KCNN3: variants seen among roughly 807,000 people sequenced by gnomAD.
The protein encoded by KCNN3 is small conductance calcium-activated potassium channel protein 3.
A neutral mutation model predicts 62.9 loss-of-function variants in KCNN3; 16 were observed. The ratio of observed to expected loss-of-function variants is 0.25; its 90% CI spans 0.17 to 0.39. The LOEUF (loss-of-function observed/expected upper bound fraction) is 0.39. KCNN3 is among the 10% of genes least tolerant of loss of function. The probability of loss-of-function intolerance (pLI) is 1.00; values close to 1 mark genes in which losing one functional copy is unlikely to be tolerated. For synonymous variants in KCNN3, 370 were observed against 389.2 expected, an observed-to-expected ratio of 0.95 and a Z score of 0.58; for missense variants, 599 against 949.4, an observed-to-expected ratio of 0.63 and a Z score of 4.85.
chr1:154,859,011 T>C (rs541778269), intron 1 of KCNN3, among the ~76,000 whole-genome samples: 8 of 152,280 alleles, frequency 5.3e-5, no homozygotes, highest in Admixed American at 1.3e-4. Context: ...AGGGCAGGTA[T>C]GGTGCCCCCC....
At chr1:154,814,181 A>T (rs1650560102) in intron 2 of KCNN3, among the ~76,000 whole-genome samples, 1 of 152,254 alleles carries the variant, frequency 6.6e-6, no homozygotes, top group Non-Finnish European at 1.5e-5. Flanking sequence ...TGTGGGCTTC[A>T]GGTCAGGCTC....
intron 3 of KCNN3, among the ~76,000 whole-genome samples, chr1:154,766,416 T>TTAAATATATATATATACATATATATA (rs1553231995): frequency 1.4e-5 from 1 of 71,812 alleles, no homozygotes; most frequent in African/African-American, 5.1e-5. Context: ...TAGCCAGGCT[T>TTAAATATATATATATACATATATATA]TATATATATA....
At chr1:154,731,757 T>C (rs1437127099) in intron 4 of KCNN3, among the ~76,000 whole-genome samples, 1 of 152,108 alleles carries the variant, frequency 6.6e-6, no homozygotes, top group Non-Finnish European at 1.5e-5. Flanking sequence ...GGGCTGTCCT[T>C]GGGAGGGTTG....
intron 1 of KCNN3, among the ~76,000 whole-genome samples, chr1:154,848,443 T>C: frequency 6.6e-6 from 1 of 152,048 alleles, no homozygotes; most frequent in South Asian, 2.1e-4. Flanking sequence ...CTATAACCCA[T>C]CCTCCATGCT....
chr1:154,701,548 T>C lies in KCNN3; in HGVS notation c.*6428A>G, dbSNP rs1480832372. The C allele has an allele frequency of 1.3e-5, 2 of 149,768 alleles. No individual in the cohort carries two copies. Among genetic ancestry groups the C allele is most frequent in the East Asian group, 3.9e-4 (2 of 5,076 alleles). The allele number at this position is 149,768 out of a possible 1,614,324, so 9.3% of individuals were successfully genotyped here. A position where few individuals can be genotyped will look rare whatever the true frequency, so the allele number is the denominator to read the frequency against. On this transcript the variant is annotated 3_prime_UTR_variant, in exon 8 of 8. Transcript: ENST00000271915. ...GAGGGGTGTAGATTCCATGAGTTGCTTAATTTTGCTATAAAGGACAATATC... is the reference window on the plus strand; with the variant it reads ...GAGGGGTGTAGATTCCATGAGTTGCCTAATTTTGCTATAAAGGACAATATC...
intron 3 of KCNN3, among the ~76,000 whole-genome samples, chr1:154,769,055 C>T (rs1317481719): frequency 2.6e-5 from 4 of 151,998 alleles, no homozygotes; most frequent in East Asian, 3.9e-4. Flanking sequence ...TCTGTGACCT[C>T]GGGCCAGTTA....
At chr1:154,815,836 C>T (rs1241323008) in intron 2 of KCNN3, among the ~76,000 whole-genome samples, 3 of 152,164 alleles carry the variant, frequency 2.0e-5, no homozygotes, top group Non-Finnish European at 4.4e-5. Flanking sequence ...CAAGACGCAA[C>T]GTGAGTTGTC....
At chr1:154,855,664 A>G (rs943177445) in intron 1 of KCNN3, among the ~76,000 whole-genome samples, 3 of 152,216 alleles carry the variant, frequency 2.0e-5, no homozygotes, top group Non-Finnish European at 4.4e-5. Context: ...AAATTGCCTA[A>G]TGACACATTT....
At chr1:154,853,761 T>C (rs1311674542) in intron 1 of KCNN3, among the ~76,000 whole-genome samples, 1 of 151,242 alleles carries the variant, frequency 6.6e-6, no homozygotes, top group Admixed American at 6.6e-5. Context: ...CTGACCAACA[T>C]GATGAAACCC....
intron 3 of KCNN3, among the ~76,000 whole-genome samples, chr1:154,767,255 C>T (rs1179460140): frequency 1.3e-5 from 2 of 152,164 alleles, no homozygotes; most frequent in East Asian, 3.8e-4. Context: ...TAAAATTTCT[C>T]ATTAAAATAT....
At chr1:154,790,719 G>A (rs974648486) in intron 2 of KCNN3, among the ~76,000 whole-genome samples, 12 of 152,112 alleles carry the variant, frequency 7.9e-5, no homozygotes, top group African/African-American at 2.7e-4. Context: ...TCATAAAGTC[G>A]ACAAATCTTA....
At chr1:154,841,843 G>A (rs1651843806) in intron 1 of KCNN3, among the ~76,000 whole-genome samples, 2 of 152,218 alleles carry the variant, frequency 1.3e-5, no homozygotes, top group Non-Finnish European at 2.9e-5. Context: ...GGCCTATTGG[G>A]AGGTCATGGG....
intron 1 of KCNN3, among the ~76,000 whole-genome samples, chr1:154,843,772 G>A (rs946426989): frequency 1.5e-4 from 23 of 152,192 alleles, no homozygotes; most frequent in Non-Finnish European, 1.6e-4. Flanking sequence ...AAAGGCACTT[G>A]GCAATAGTTA....
intron 2 of KCNN3, among the ~76,000 whole-genome samples, chr1:154,774,505 C>A (rs1201844936): frequency 6.6e-6 from 1 of 152,228 alleles, no homozygotes; most frequent in Non-Finnish European, 1.5e-5. Flanking sequence ...TGATTTGATT[C>A]TTGGAGGGTG....
intron 2 of KCNN3, among the ~76,000 whole-genome samples, chr1:154,784,344 A>G (rs1396914339): frequency 6.6e-6 from 1 of 152,030 alleles, no homozygotes; most frequent in Non-Finnish European, 1.5e-5. Flanking sequence ...GCCTTTTCCC[A>G]CCTGGCACCA....
intron 4 of KCNN3, among the ~76,000 whole-genome samples, chr1:154,729,983 G>C: frequency 6.6e-6 from 1 of 152,248 alleles, no homozygotes; most frequent in Non-Finnish European, 1.5e-5. Context: ...TCCAGCTTTA[G>C]AAAGAGGCTA....
At chr1:154,750,509 C>A (rs906855548) in intron 3 of KCNN3, among the ~76,000 whole-genome samples, 9 of 152,164 alleles carry the variant, frequency 5.9e-5, no homozygotes, top group African/African-American at 2.2e-4. Flanking sequence ...TAGAGCAAAA[C>A]CCCCTTCGCA....
Position 154,766,416 on chromosome 1 carries a change from TTA to T in KCNN3, c.1448+5557_1448+5558del, listed in dbSNP as rs373253800. Among the ~76,000 whole-genome samples the T allele has an allele frequency of 6.3e-3, 455 of 71,798 alleles. 47 individuals are homozygous for T. Among genetic ancestry groups the T allele is most frequent in the Middle Eastern group, 0.024 (2 of 82 alleles). 47.1% of individuals were successfully genotyped at this position (71,798 alleles called of 152,430 possible). A position where few individuals can be genotyped will look rare whatever the true frequency, so the allele number is the denominator to read the frequency against. ...CCATTTATTAAATACTAGCCAGGCT[TTA>T]TATATATATATATATATATATATAT... is the stretch of plus-strand genomic sequence containing the variant. On this transcript the variant is annotated intron_variant, in intron 3 of 7. Transcript: ENST00000271915.
chr1:154,807,625 A>T (rs1650234653), intron 2 of KCNN3, among the ~76,000 whole-genome samples: 1 of 152,204 alleles, frequency 6.6e-6, no homozygotes, highest in South Asian at 2.1e-4. Flanking sequence ...GCTGGAGAAG[A>T]GTGTATTTTT....
Sources: gnomAD v4.1 joint callset for allele counts (sites outside exome capture counted in the v4.1 genomes callset) on GRCh38, gnomAD v4.1.1 for gene constraint, MANE v1.5 for transcripts, NCBI Gene and HGNC (gene_info 2026-07-23, HGNC 2026-07-21) for gene names.